Variants in CNTNAP5 observed in about 807,000 individuals in gnomAD.
The protein encoded by CNTNAP5 is contactin associated protein family member 5, also known as contactin-associated protein-like 5.
In CNTNAP5, 72 loss-of-function variants were observed where a neutral mutation model predicts 150.2. The ratio of observed to expected loss-of-function variants is 0.48; its 90% CI spans 0.40 to 0.58. The LOEUF (loss-of-function observed/expected upper bound fraction) is 0.58. CNTNAP5 is among the 20% of genes least tolerant of loss of function. The pLI, the probability that CNTNAP5 is intolerant of heterozygous loss-of-function variation, is 0.00. For missense variants in CNTNAP5, 1,636 were observed against 1,626.2 expected, an observed-to-expected ratio of 1.01 and a Z score of -0.10; for synonymous variants, 672 against 619.8, an observed-to-expected ratio of 1.08 and a Z score of -1.25.
At chr2:124,555,957 A>G (rs931262201) in intron 10 of CNTNAP5, among the ~76,000 whole-genome samples, 2 of 152,212 alleles carry the variant, frequency 1.3e-5, no homozygotes, top group African/African-American at 2.4e-5. Context: ...AAATTAATCC[A>G]TTTGTCATAT....
intron 22 of CNTNAP5, among the ~76,000 whole-genome samples, chr2:124,908,968 T>C (rs1424286371): frequency 1.3e-5 from 2 of 151,810 alleles, no homozygotes. Flanking sequence ...GACAAAGAAG[T>C]AAAAAAGTTA....
At chr2:124,729,327 C>CA (rs1462050951) in intron 13 of CNTNAP5, among the ~76,000 whole-genome samples, 1 of 151,342 alleles carries the variant, frequency 6.6e-6, no homozygotes, top group Non-Finnish European at 1.5e-5. Flanking sequence ...CTAATTTTTG[C>CA]AAAAAAGTAG....
chr2:124,315,224 G>A (rs1010005929), intron 3 of CNTNAP5, among the ~76,000 whole-genome samples: 1 of 152,150 alleles, frequency 6.6e-6, no homozygotes, highest in Non-Finnish European at 1.5e-5. Flanking sequence ...GCCTTCCAAA[G>A]TGCTGAGGTT....
intron 21 of CNTNAP5, among the ~76,000 whole-genome samples, chr2:124,872,506 T>C (rs916253888): frequency 1.5e-5 from 2 of 133,286 alleles, no homozygotes; most frequent in Non-Finnish European, 3.0e-5. Flanking sequence ...AAATAAGATT[T>C]TTTTTTTTTT....
chr2:124,502,780 T>A (rs777493914), intron 7 of CNTNAP5, among the ~76,000 whole-genome samples: 8 of 151,614 alleles, frequency 5.3e-5, no homozygotes, highest in Non-Finnish European at 8.8e-5. Context: ...AGTTGGTGGA[T>A]TTTTTTTTAA....
chr2:124,889,263 C>T (rs1228637948), intron 21 of CNTNAP5, among the ~76,000 whole-genome samples: 1 of 151,500 alleles, frequency 6.6e-6, no homozygotes, highest in Non-Finnish European at 1.5e-5. Flanking sequence ...TCATGCCTGG[C>T]TAATTTTTGT....
At chr2:124,409,810 C>G (rs1242346386) in intron 3 of CNTNAP5, among the ~76,000 whole-genome samples, 1 of 152,062 alleles carries the variant, frequency 6.6e-6, no homozygotes, top group Non-Finnish European at 1.5e-5. Context: ...TAGGCAGAAA[C>G]TGCATCAACT....
chr2:124,632,172 T>C (rs958961724), intron 12 of CNTNAP5, among the ~76,000 whole-genome samples: 2 of 152,160 alleles, frequency 1.3e-5, no homozygotes, highest in East Asian at 3.9e-4. Flanking sequence ...GAACTGGAAA[T>C]ACCATTTGAC....
At chr2:124,726,178 G>T (rs1680154216) in intron 13 of CNTNAP5, among the ~76,000 whole-genome samples, 1 of 151,884 alleles carries the variant, frequency 6.6e-6, no homozygotes, top group Admixed American at 6.6e-5. Context: ...GGTCTGAGGT[G>T]ATAGCTCATG....
At chr2:124,116,936 T>G (rs1176332586) in intron 1 of CNTNAP5, among the ~76,000 whole-genome samples, 1 of 152,136 alleles carries the variant, frequency 6.6e-6, no homozygotes, top group African/African-American at 2.4e-5. Flanking sequence ...TTTAAGAAAA[T>G]GAAACGTGAT....
At chr2:124,071,027 A>G (rs969954126) in intron 1 of CNTNAP5, among the ~76,000 whole-genome samples, 1 of 152,038 alleles carries the variant, frequency 6.6e-6, no homozygotes, top group Non-Finnish European at 1.5e-5. Flanking sequence ...GCAGAAAGCA[A>G]TAACAAGAGG....
intron 19 of CNTNAP5, among the ~76,000 whole-genome samples, chr2:124,812,268 G>A (rs1035009828): frequency 1.4e-5 from 2 of 146,946 alleles, no homozygotes. Context: ...CTAGTAAGAA[G>A]CTCCTCATTG....
rs565575260 is a variant in CNTNAP5, at chr2:124,818,026, T to A, written c.3217+19706T>A. Reference sequence around the variant, plus strand: ...ACAGTTCCACCACTGCCCCGTGTTTTCACTTGGCAATTGTGCTAAACTCAT... The same window carrying A: ...ACAGTTCCACCACTGCCCCGTGTTTACACTTGGCAATTGTGCTAAACTCAT... On this transcript the variant is annotated intron_variant, in intron 19 of 23. Coordinates refer to ENST00000682447, the MANE Select transcript of CNTNAP5 (RefSeq NM_001367498.1). 3.3e-5 allele frequency among the ~76,000 whole-genome samples: 5 copies of A among 152,282 alleles called. No individual in the cohort carries two copies. In the South Asian group the frequency reaches 1.0e-3, roughly 32 times the overall value.
At chr2:124,605,809 C>CA (rs36090348) in intron 11 of CNTNAP5, among the ~76,000 whole-genome samples, 1,387 of 33,588 alleles carry the variant, frequency 0.041, 35 homozygotes, top group East Asian at 0.054. Flanking sequence ...AAGACTCTGT[C>CA]AAAAAAAAAA....
At chr2:124,154,991 G>A (rs572807121) in intron 1 of CNTNAP5, among the ~76,000 whole-genome samples, 1 of 151,162 alleles carries the variant, frequency 6.6e-6, no homozygotes, top group East Asian at 2.0e-4. Context: ...TTTCTACAAA[G>A]TCCTTGACAG....
At position 124,809,055 on chromosome 2, in the gene CNTNAP5, G is replaced by A. The variant is rs967947572; in HGVS notation, c.3217+10735G>A. 2.6e-5 allele frequency among the ~76,000 whole-genome samples: 4 copies of A among 151,960 alleles called. No individual in the cohort carries two copies. The East Asian group carries it at 7.8e-4, about 30-fold the overall frequency. ...GAACAGCCCCATGAAAAACATGTGT[G>A]ATAACTGGAATTATAGAAATGTCCC... is the stretch of plus-strand genomic sequence containing the variant. On this transcript the variant is annotated intron_variant, in intron 19 of 23. Transcript: ENST00000682447.
chr2:124,361,263 C>T (rs1486330812), intron 3 of CNTNAP5, among the ~76,000 whole-genome samples: 1 of 143,694 alleles, frequency 7.0e-6, no homozygotes, highest in African/African-American at 2.6e-5. Context: ...AATGTCCTCC[C>T]ATAGCTCAGA....
At chr2:124,705,654 G>T (rs1000317364) in intron 13 of CNTNAP5, among the ~76,000 whole-genome samples, 1 of 151,068 alleles carries the variant, frequency 6.6e-6, no homozygotes, top group Admixed American at 6.6e-5. Context: ...ATAATAAGAA[G>T]AACATAATAC....
chr2:124,129,275 T>C (rs1214234912), intron 1 of CNTNAP5, among the ~76,000 whole-genome samples: 1 of 152,156 alleles, frequency 6.6e-6, no homozygotes, highest in East Asian at 1.9e-4. Context: ...GTGTAATTCT[T>C]CTCCAGAGGT....
Sources: allele counts gnomAD v4.1 joint callset (sites outside exome capture counted in the v4.1 genomes callset), GRCh38; gene constraint gnomAD v4.1.1; transcripts MANE v1.5; gene names NCBI Gene and HGNC (gene_info 2026-07-23, HGNC 2026-07-21).